C8orf34: variants seen among roughly 807,000 people sequenced by gnomAD.
C8orf34 encodes uncharacterized protein C8orf34.
C8orf34 carries 65 observed loss-of-function variants against 68.3 expected under a neutral mutation model. That is an observed-to-expected ratio of 0.95 (90% CI 0.78 to 1.17). The LOEUF is 1.17. Among genes scored for constraint, C8orf34 ranks in the 50% most tolerant of loss-of-function variants. The pLI, the probability that C8orf34 is intolerant of heterozygous loss-of-function variation, is 0.00. For missense variants in C8orf34, 664 were observed against 655.4 expected (o/e 1.01, Z -0.14); for synonymous variants, 244 against 241.2 (o/e 1.01, Z -0.11).
chr8:68,723,196 A>G (rs1303972282), intron 10 of C8orf34, among the ~76,000 whole-genome samples: 1 of 152,048 alleles, frequency 6.6e-6, no homozygotes, highest in African/African-American at 2.4e-5. Context: ...TTCCTCACAA[A>G]CATTGGTCCT....
intron 12 of C8orf34, among the ~76,000 whole-genome samples, chr8:68,802,183 C>A (rs1824348513): frequency 6.6e-6 from 1 of 152,048 alleles, no homozygotes; most frequent in African/African-American, 2.4e-5. Context: ...ATACCACAAC[C>A]TCTCCCTCCC....
intron 7 of C8orf34, among the ~76,000 whole-genome samples, chr8:68,611,094 C>T (rs905621497): frequency 4.0e-5 from 6 of 151,824 alleles, no homozygotes; most frequent in Non-Finnish European, 7.4e-5. Context: ...CTCGAACTCC[C>T]GACCTCAGGT....
chr8:68,664,993 A>G (rs997209113), intron 8 of C8orf34, among the ~76,000 whole-genome samples: 9 of 152,260 alleles, frequency 5.9e-5, no homozygotes, highest in Admixed American at 3.3e-4. Context: ...GGAAAGATTT[A>G]TAAAAGAATT....
At chr8:68,354,760 A>G (rs1312339182) in intron 1 of C8orf34, among the ~76,000 whole-genome samples, 1 of 152,120 alleles carries the variant, frequency 6.6e-6, no homozygotes, top group Non-Finnish European at 1.5e-5. Flanking sequence ...TTGGTCATAC[A>G]TTATATCATG....
At chr8:68,354,934 C>T (rs1273080121) in intron 1 of C8orf34, among the ~76,000 whole-genome samples, 1 of 151,886 alleles carries the variant, frequency 6.6e-6, no homozygotes, top group Non-Finnish European at 1.5e-5. Flanking sequence ...CAGCAAATAT[C>T]TGTTGAAGTA....
intron 3 of C8orf34, among the ~76,000 whole-genome samples, chr8:68,449,645 AAAC>A (rs1466934207): frequency 6.6e-6 from 1 of 152,142 alleles, no homozygotes; most frequent in Non-Finnish European, 1.5e-5. Flanking sequence ...GTCTAGTGTG[AAAC>A]AACATTATGT....
chr8:68,656,112 C>T (rs1007348662), intron 8 of C8orf34, among the ~76,000 whole-genome samples: 2 of 152,276 alleles, frequency 1.3e-5, no homozygotes, highest in East Asian at 1.9e-4. Flanking sequence ...TATGTGCCTA[C>T]CAGAAATCAG....
At chr8:68,405,469 A>G (rs1164205639) in intron 1 of C8orf34, among the ~76,000 whole-genome samples, 1 of 152,004 alleles carries the variant, frequency 6.6e-6, no homozygotes, top group Non-Finnish European at 1.5e-5. Context: ...GTTCTCATGG[A>G]CTCCCCACCA....
At chr8:68,734,018 A>G (rs139526430) in intron 10 of C8orf34, among the ~76,000 whole-genome samples, 1 of 151,956 alleles carries the variant, frequency 6.6e-6, no homozygotes, top group Admixed American at 6.6e-5. Context: ...AGTTTCACTA[A>G]TTTTTTTTAT....
At chr8:68,371,085 A>G (rs1256631502) in intron 1 of C8orf34, among the ~76,000 whole-genome samples, 1 of 152,166 alleles carries the variant, frequency 6.6e-6, no homozygotes, top group South Asian at 2.1e-4. Context: ...ATTCTCCTCC[A>G]ACATAGGAGA....
intron 12 of C8orf34, among the ~76,000 whole-genome samples, chr8:68,794,505 A>ATATATATATATATATATATATAT (rs1313909362): frequency 1.6e-5 from 1 of 62,252 alleles, no homozygotes; most frequent in African/African-American, 1.2e-4. Flanking sequence ...ATATATATAT[A>ATATATATATATATATATATATAT]TTTTTTTTTT....
At chr8:68,557,684 C>T (rs1816296257) in intron 7 of C8orf34, among the ~76,000 whole-genome samples, 3 of 152,164 alleles carry the variant, frequency 2.0e-5, no homozygotes, top group South Asian at 4.1e-4. Context: ...AATCAGCTCC[C>T]TACACCAATG....
intron 8 of C8orf34, among the ~76,000 whole-genome samples, chr8:68,650,299 G>GA (rs2130773855): frequency 1.3e-5 from 2 of 152,102 alleles, no homozygotes; most frequent in South Asian, 4.2e-4. Flanking sequence ...AGGAAGAGGA[G>GA]AGAGGGGTCC....
chr8:68,561,445 A>G (rs931904665), intron 7 of C8orf34, among the ~76,000 whole-genome samples: 10 of 152,170 alleles, frequency 6.6e-5, no homozygotes, highest in Non-Finnish European at 1.0e-4. Flanking sequence ...AAAAATTTTT[A>G]AAACTTTTCT....
intron 8 of C8orf34, among the ~76,000 whole-genome samples, chr8:68,657,619 G>A (rs1318570604): frequency 6.6e-6 from 1 of 152,140 alleles, no homozygotes; most frequent in African/African-American, 2.4e-5. Flanking sequence ...AAAAGCAATT[G>A]CTTCTTTTAC....
At chr8:68,466,504 A>G (rs1477515470) in intron 3 of C8orf34, among the ~76,000 whole-genome samples, 1 of 127,706 alleles carries the variant, frequency 7.8e-6, no homozygotes, top group African/African-American at 2.7e-5. Context: ...TATACCTTAT[A>G]TATTTGTAGA....
chr8:68,735,676 A>G (rs1822102880), intron 10 of C8orf34, among the ~76,000 whole-genome samples: 1 of 152,186 alleles, frequency 6.6e-6, no homozygotes, highest in Non-Finnish European at 1.5e-5. Context: ...GTCTAACTTG[A>G]GAAAGAAAAG....
intron 7 of C8orf34, among the ~76,000 whole-genome samples, chr8:68,595,140 T>TAAAA (rs1563550825): frequency 1.1e-4 from 17 of 149,956 alleles, no homozygotes; most frequent in African/African-American, 3.7e-4. Context: ...AAAAAAAATT[T>TAAAA]TTTTTTTTAC....
In C8orf34 at chr8:68,743,618, T is replaced by G. The variant is rs182900162; in HGVS notation, c.1404+22181T>G. On this transcript the variant is annotated intron_variant, in intron 10 of 13. Transcript: ENST00000518698. Reference sequence around the variant, plus strand: ...TCCCTTTCCTAGTCAAAGAAAGGGGTGACAGATGGCACCTGAAAAATTGTG... The same window carrying G: ...TCCCTTTCCTAGTCAAAGAAAGGGGGGACAGATGGCACCTGAAAAATTGTG... Among the ~76,000 whole-genome samples, 40 of 152,154 alleles carry G rather than the reference T, an allele frequency of 2.6e-4. 2 individuals are homozygous for G. The East Asian group carries it at 7.2e-3, about 27-fold the overall frequency.
Sources: gnomAD v4.1 joint callset for allele counts (sites outside exome capture counted in the v4.1 genomes callset) on GRCh38, gnomAD v4.1.1 for gene constraint, MANE v1.5 for transcripts, NCBI Gene and HGNC (gene_info 2026-07-23, HGNC 2026-07-21) for gene names.